The following NEDD4 variants were observed in gnomAD, a reference collection of about 807,000 sequenced individuals.
NEDD4 encodes E3 ubiquitin-protein ligase NEDD4.
Under a neutral mutation model 144.9 loss-of-function variants are expected in NEDD4, and 99 were observed. The ratio of observed to expected loss-of-function variants is 0.68; its 90% CI spans 0.58 to 0.81. The LOEUF (loss-of-function observed/expected upper bound fraction) is 0.81. Among genes scored for constraint, NEDD4 ranks in the 30% least tolerant of loss-of-function variants. NEDD4 has a pLI of 0.00. For synonymous variants in NEDD4, 318 were observed against 350.6 expected (o/e 0.91, Z 1.04); for missense variants, 985 against 1,065.9 (o/e 0.92, Z 1.06).
At chr15:55,898,692 G>A (rs2035816846) in intron 5 of NEDD4, among the ~76,000 whole-genome samples, 1 of 138,022 alleles carries the variant, frequency 7.2e-6, no homozygotes, top group African/African-American at 2.8e-5. Flanking sequence ...GCTAAATACA[G>A]TGGCACAATC....
At chr15:55,870,354 G>C (rs74015320) in intron 7 of NEDD4, among the ~76,000 whole-genome samples, 3,152 of 152,162 alleles carry the variant, frequency 0.021, 119 homozygotes, top group African/African-American at 0.072. Flanking sequence ...CTCTTTGGCA[G>C]CTGTTTGAAT....
chr15:55,916,747 T>C, intron 5 of NEDD4: 3 of 1,614,024 alleles, frequency 1.9e-6, no homozygotes, highest in Non-Finnish European at 2.5e-6. Context: ...TGAACATGGC[T>C]ATCCAAGTCA....
intron 5 of NEDD4, among the ~76,000 whole-genome samples, chr15:55,892,025 G>A (rs1375439983): frequency 3.3e-5 from 5 of 151,968 alleles, no homozygotes; most frequent in African/African-American, 1.2e-4. Context: ...TAACACTCTG[G>A]GAGGCCAAGG....
At chr15:55,953,134 C>A (rs988833072) in intron 2 of NEDD4, among the ~76,000 whole-genome samples, 1 of 151,694 alleles carries the variant, frequency 6.6e-6, no homozygotes, top group South Asian at 2.1e-4. Context: ...GGACTGCAGG[C>A]GCACACCACC....
At chr15:55,853,466 C>G (rs1478956102) in intron 12 of NEDD4, among the ~76,000 whole-genome samples, 1 of 152,164 alleles carries the variant, frequency 6.6e-6, no homozygotes, top group African/African-American at 2.4e-5. Context: ...TATACTTGAT[C>G]TTAGCCAAAA....
At chr15:55,983,496 A>AG (rs201155304) in intron 1 of NEDD4, among the ~76,000 whole-genome samples, 9,387 of 152,060 alleles carry the variant, frequency 0.062, 378 homozygotes, top group East Asian at 0.16. Flanking sequence ...CTATTTACTC[A>AG]ATGGGGTTCT....
chr15:55,848,405 A>G lies in NEDD4; in HGVS notation c.1509T>C (p.Asp503=), dbSNP rs2033838129. Residue 503 remains aspartate, a synonymous_variant, in exon 17 of 29, where the codon GAT becomes GAC. Transcript: ENST00000435532. ...NHNIKRTQWE[D]PRLENVAITG... is the part of the protein sequence containing the mutation. ...TTATTGCTACATTCTCCAACCGAGG[A>G]TCTTCCCATTGTGTTCTTTTTATAT... The G allele has an allele frequency of 6.2e-7, 1 of 1,614,026 alleles. No individual in the cohort carries two copies.
chr15:55,874,774 G>C (rs1359994493), intron 5 of NEDD4, among the ~76,000 whole-genome samples: 3 of 152,144 alleles, frequency 2.0e-5, no homozygotes, highest in Admixed American at 1.3e-4. Flanking sequence ...AGGAGTTAGA[G>C]ACCAGCCTGA....
chr15:55,948,699 G>A (rs1275159544), intron 4 of NEDD4, among the ~76,000 whole-genome samples: 4 of 152,112 alleles, frequency 2.6e-5, no homozygotes, highest in African/African-American at 9.7e-5. Flanking sequence ...AACAAGAAAT[G>A]GGGAAAGGAT....
rs1378449370 is a variant in NEDD4 at position 55,990,882 on chromosome 15, C to G, written c.45+2629G>C. On this transcript the variant is annotated intron_variant, in intron 1 of 28. Coordinates refer to ENST00000435532, the MANE Select transcript of NEDD4 (RefSeq NM_006154.4). ...GGTATAAATTATACTACACTTCCTC[C>G]TTTGTTTGTTAACACTTTAAAGGTA... 2.0e-5 allele frequency among the ~76,000 whole-genome samples: 3 copies of G among 152,200 alleles called. No homozygotes were observed. In the South Asian group the frequency reaches 6.2e-4, roughly 31 times the overall value.
intron 5 of NEDD4, among the ~76,000 whole-genome samples, chr15:55,899,081 C>T (rs1315562777): frequency 6.6e-6 from 1 of 152,214 alleles, no homozygotes; most frequent in Non-Finnish European, 1.5e-5. Context: ...AATAAACACA[C>T]TGCAAGAAGT....
intron 4 of NEDD4, among the ~76,000 whole-genome samples, chr15:55,936,573 G>C (rs1278572562): frequency 6.6e-6 from 1 of 151,958 alleles, no homozygotes; most frequent in African/African-American, 2.4e-5. Flanking sequence ...ACATACACTT[G>C]CATATATATA....
At chr15:55,923,674 A>AGC (rs1370466271) in intron 5 of NEDD4, among the ~76,000 whole-genome samples, 3 of 150,784 alleles carry the variant, frequency 2.0e-5, no homozygotes, top group Non-Finnish European at 4.4e-5. Flanking sequence ...ATATATATAT[A>AGC]GCAAGTCAGT....
intron 4 of NEDD4, among the ~76,000 whole-genome samples, chr15:55,929,786 AAG>A (rs1469514626): frequency 1.3e-5 from 2 of 152,210 alleles, no homozygotes; most frequent in African/African-American, 4.8e-5. Flanking sequence ...TCAAAGGAAA[AAG>A]AGATAATTTA....
At chr15:55,886,761 A>G (rs78503266) in intron 5 of NEDD4, among the ~76,000 whole-genome samples, 429 of 151,854 alleles carry the variant, frequency 2.8e-3, no homozygotes, top group African/African-American at 9.9e-3. Context: ...CCGTCTCAAA[A>G]AAAAAAAAAA....
chr15:55,893,748 A>G (rs1428849450), intron 5 of NEDD4, among the ~76,000 whole-genome samples: 2 of 150,046 alleles, frequency 1.3e-5, no homozygotes, highest in Non-Finnish European at 3.0e-5. Context: ...AAAAACTATT[A>G]TTTTAAATGA....
intron 28 of NEDD4, among the ~76,000 whole-genome samples, chr15:55,830,239 C>T (rs557869643): frequency 4.1e-4 from 63 of 152,348 alleles, no homozygotes; most frequent in African/African-American, 1.4e-3. Flanking sequence ...GCCACTTCAG[C>T]CTCCAAGATG....
At chr15:55,878,535 G>T (rs1011822209) in intron 5 of NEDD4, among the ~76,000 whole-genome samples, 7 of 152,134 alleles carry the variant, frequency 4.6e-5, no homozygotes, top group African/African-American at 1.4e-4. Context: ...ATTGGTCAGG[G>T]TGTGGTGCAA....
chr15:55,959,558 C>A lies in NEDD4; in HGVS notation c.119+6915G>T, dbSNP rs546548641. On this transcript the variant is annotated intron_variant, in intron 2 of 28. Transcript: ENST00000435532. ...TCCTAATATTCATGTTCTTTGTGTT[C>A]CTCTCCTCTTAAGCATGGGACAGAT... Among the ~76,000 whole-genome samples, 5 of 152,310 alleles carry A rather than the reference C, an allele frequency of 3.3e-5. No individual in the cohort carries two copies. In the South Asian group the frequency reaches 1.0e-3, roughly 32 times the overall value.
Sources: gnomAD v4.1 joint callset for allele counts (sites outside exome capture counted in the v4.1 genomes callset) on GRCh38, gnomAD v4.1.1 for gene constraint, MANE v1.5 for transcripts, NCBI Gene and HGNC (gene_info 2026-07-23, HGNC 2026-07-21) for gene names.